DLG2: variants seen among roughly 807,000 people sequenced by gnomAD.
The protein encoded by DLG2 is disks large homolog 2.
A neutral mutation model predicts 132.5 loss-of-function variants in DLG2; 45 were observed. The observed-to-expected ratio is 0.34, with a 90% confidence interval of 0.27 to 0.44. The LOEUF (loss-of-function observed/expected upper bound fraction) is 0.44. DLG2 is among the 20% of genes least tolerant of loss of function. The pLI is 1.00. For missense variants in DLG2, 1,045 were observed against 1,196.9 expected (o/e 0.87, Z 1.87); for synonymous variants, 424 against 419.6 (o/e 1.01, Z -0.13).
chr11:83,846,007 C>T (rs1445135741), intron 16 of DLG2, among the ~76,000 whole-genome samples: 1 of 152,150 alleles, frequency 6.6e-6, no homozygotes, highest in South Asian at 2.1e-4. Context: ...AATAGTCACA[C>T]ATAAAGTAAT....
At position 85,187,245 on chromosome 11, in the gene DLG2, A is replaced by G. The variant is rs1213430215; in HGVS notation, c.187-32594T>C. On this transcript the variant is annotated intron_variant, in intron 4 of 27. Coordinates refer to ENST00000376104, the MANE Select transcript of DLG2 (RefSeq NM_001142699.3). ...TAAAATTATCCTTGACTAAAAATAA[A>G]CCGAAGAAAAACATCAGGGAATGAG... 3.3e-5 allele frequency among the ~76,000 whole-genome samples: 5 copies of G among 152,234 alleles called. No homozygotes were observed. The East Asian group carries it at 7.7e-4, about 24-fold the overall frequency.
At chr11:85,165,919 T>G (rs2078406603) in intron 4 of DLG2, among the ~76,000 whole-genome samples, 1 of 152,114 alleles carries the variant, frequency 6.6e-6, no homozygotes, top group African/African-American at 2.4e-5. Flanking sequence ...TCTTCCTAGT[T>G]CTGTCCAAAT....
At chr11:85,426,897 G>A (rs2090790972) in intron 3 of DLG2, among the ~76,000 whole-genome samples, 1 of 152,116 alleles carries the variant, frequency 6.6e-6, no homozygotes. Context: ...TAGACGAATG[G>A]CTAACTAGAA....
intron 4 of DLG2, among the ~76,000 whole-genome samples, chr11:85,249,802 T>C (rs1182715058): frequency 6.6e-6 from 1 of 152,192 alleles, no homozygotes; most frequent in African/African-American, 2.4e-5. Context: ...CTAGATTACC[T>C]TTGCAGTAGT....
At chr11:84,433,389 A>G (rs2098990640) in intron 7 of DLG2, among the ~76,000 whole-genome samples, 1 of 152,118 alleles carries the variant, frequency 6.6e-6, no homozygotes, top group Admixed American at 6.6e-5. Context: ...CAATCTGGAG[A>G]TTGTCTAATT....
At chr11:84,370,472 A>T (rs2154428387) in intron 7 of DLG2, among the ~76,000 whole-genome samples, 1 of 152,276 alleles carries the variant, frequency 6.6e-6, no homozygotes, top group African/African-American at 2.4e-5. Context: ...GTTCTAGCAC[A>T]CTAGCAACTA....
At chr11:85,112,823 G>A (rs1028534848) in intron 5 of DLG2, among the ~76,000 whole-genome samples, 13 of 152,088 alleles carry the variant, frequency 8.5e-5, no homozygotes, top group Admixed American at 5.9e-4. Flanking sequence ...TCTTTTATGA[G>A]AAGTTGCCTC....
At chr11:84,968,621 TAA>T (rs2053639191) in intron 6 of DLG2, among the ~76,000 whole-genome samples, 1 of 152,208 alleles carries the variant, frequency 6.6e-6, no homozygotes, top group Non-Finnish European at 1.5e-5. Context: ...TTATGGAAAT[TAA>T]CCAAAAATGA....
chr11:84,276,851 C>T (rs2097787837), intron 7 of DLG2, among the ~76,000 whole-genome samples: 1 of 152,130 alleles, frequency 6.6e-6, no homozygotes, highest in Admixed American at 6.5e-5. Context: ...GTAACAGGGC[C>T]TGGATTTGCA....
chr11:84,970,839 GT>G (rs1566541478), intron 6 of DLG2, among the ~76,000 whole-genome samples: 1 of 152,022 alleles, frequency 6.6e-6, no homozygotes, highest in Non-Finnish European at 1.5e-5. Flanking sequence ...ACTATCAATG[GT>G]GGTATATTAA....
At chr11:84,316,622 G>A (rs1029954600) in intron 7 of DLG2, among the ~76,000 whole-genome samples, 7 of 152,146 alleles carry the variant, frequency 4.6e-5, no homozygotes, top group African/African-American at 1.4e-4. Flanking sequence ...AATAAACTGA[G>A]CACGGCATCC....
At chr11:85,289,886 C>T (rs1365251400) in intron 3 of DLG2, among the ~76,000 whole-genome samples, 1 of 152,166 alleles carries the variant, frequency 6.6e-6, no homozygotes, top group East Asian at 1.9e-4. Context: ...CTTGAATCTA[C>T]TCAAATAGTT....
At chr11:84,756,484 C>T (rs1597405191) in intron 6 of DLG2, among the ~76,000 whole-genome samples, 1 of 152,184 alleles carries the variant, frequency 6.6e-6, no homozygotes. Flanking sequence ...CAGACCTGGG[C>T]TTGCATCTCT....
intron 19 of DLG2, among the ~76,000 whole-genome samples, chr11:83,608,349 T>C (rs1000745752): frequency 5.2e-4 from 78 of 151,364 alleles, no homozygotes; most frequent in African/African-American, 1.8e-3. Context: ...ATGTTTTAGA[T>C]TTCAATTTTT....
intron 4 of DLG2, among the ~76,000 whole-genome samples, chr11:85,229,877 A>G (rs1271203635): frequency 2.6e-5 from 4 of 152,086 alleles, no homozygotes; most frequent in Non-Finnish European, 5.9e-5. Flanking sequence ...TTCTCAGCAA[A>G]CTACACAGGA....
At chr11:85,108,246 A>G (rs2072131225) in intron 6 of DLG2, among the ~76,000 whole-genome samples, 1 of 152,122 alleles carries the variant, frequency 6.6e-6, no homozygotes, top group South Asian at 2.1e-4. Context: ...TCCAGAGTAG[A>G]ACAACAAAGA....
chr11:83,491,538 C>T (rs1291216078), intron 21 of DLG2, among the ~76,000 whole-genome samples: 2 of 152,008 alleles, frequency 1.3e-5, no homozygotes, highest in Non-Finnish European at 1.5e-5. Context: ...AAGCACATCA[C>T]TCAGTCAGCA....
At chr11:84,985,869 G>A (rs1023176371) in intron 6 of DLG2, among the ~76,000 whole-genome samples, 5 of 151,638 alleles carry the variant, frequency 3.3e-5, no homozygotes, top group African/African-American at 1.2e-4. Flanking sequence ...GCGGGTGCCT[G>A]TAACCCCAGC....
intron 6 of DLG2, among the ~76,000 whole-genome samples, chr11:84,748,105 T>C (rs1286452490): frequency 6.6e-6 from 1 of 152,224 alleles, no homozygotes; most frequent in Non-Finnish European, 1.5e-5. Context: ...CAACATCTGC[T>C]CTCAGGCTGT....
Sources: allele counts gnomAD v4.1 joint callset (sites outside exome capture counted in the v4.1 genomes callset), GRCh38; gene constraint gnomAD v4.1.1; transcripts MANE v1.5; gene names NCBI Gene and HGNC (gene_info 2026-07-23, HGNC 2026-07-21).